Variants in LHFPL3 observed in about 807,000 individuals in gnomAD.
LHFPL3 encodes LHFPL tetraspan subfamily member 3, also known as LHFPL tetraspan subfamily member 3 protein.
LHFPL3 carries 5 observed loss-of-function variants against 19.3 expected under a neutral mutation model. That is an observed-to-expected ratio of 0.26 (90% CI 0.14 to 0.54). LHFPL3 has a LOEUF of 0.54. Among genes scored for constraint, LHFPL3 ranks in the 20% least tolerant of loss-of-function variants. LHFPL3 has a pLI of 0.94. For synonymous variants in LHFPL3, 133 were observed against 126.2 expected, an observed-to-expected ratio of 1.05 and a Z score of -0.36; for missense variants, 249 against 307.4, an observed-to-expected ratio of 0.81 and a Z score of 1.42.
At chr7:104,498,531 C>CTGT (rs1318369652) in intron 1 of LHFPL3, among the ~76,000 whole-genome samples, 1 of 145,842 alleles carries the variant, frequency 6.9e-6, no homozygotes, top group Non-Finnish European at 1.5e-5. Context: ...GGGTCTCACT[C>CTGT]TGTTGCCCAG....
At chr7:104,790,281 T>C (rs1258499953) in intron 2 of LHFPL3, among the ~76,000 whole-genome samples, 2 of 152,196 alleles carry the variant, frequency 1.3e-5, no homozygotes, top group African/African-American at 2.4e-5. Context: ...AATCTCCTTA[T>C]ACCTGCTAAA....
At chr7:104,542,174 G>A (rs934655529) in intron 1 of LHFPL3, among the ~76,000 whole-genome samples, 1 of 152,038 alleles carries the variant, frequency 6.6e-6, no homozygotes, top group Non-Finnish European at 1.5e-5. Context: ...CTGCCAAAAC[G>A]AGGCGTGGCT....
At chr7:104,570,061 C>G (rs139376569) in intron 1 of LHFPL3, among the ~76,000 whole-genome samples, 11 of 152,320 alleles carry the variant, frequency 7.2e-5, no homozygotes, top group African/African-American at 2.6e-4. Flanking sequence ...TACATCTGCT[C>G]TTACATTTTT....
chr7:104,547,953 A>T (rs1003132521), intron 1 of LHFPL3, among the ~76,000 whole-genome samples: 14 of 152,194 alleles, frequency 9.2e-5, no homozygotes, highest in Non-Finnish European at 1.8e-4. Context: ...ATCAAGTACA[A>T]GTTAGATCTC....
intron 1 of LHFPL3, among the ~76,000 whole-genome samples, chr7:104,401,016 A>G (rs1280126298): frequency 2.0e-5 from 3 of 152,312 alleles, no homozygotes; most frequent in Middle Eastern, 3.4e-3. Flanking sequence ...AGAATAGTAT[A>G]ATTTTCTTGT....
At chr7:104,759,367 AT>A (rs368619799) in intron 2 of LHFPL3, among the ~76,000 whole-genome samples, 62 of 151,148 alleles carry the variant, frequency 4.1e-4, no homozygotes, top group Admixed American at 2.1e-3. Flanking sequence ...CACAGTTTAA[AT>A]TTTTTTTTAA....
At chr7:104,482,364 C>G (rs988017315) in intron 1 of LHFPL3, among the ~76,000 whole-genome samples, 4 of 152,150 alleles carry the variant, frequency 2.6e-5, no homozygotes, top group Non-Finnish European at 5.9e-5. Flanking sequence ...TCTAGAAGCC[C>G]TCTTGTGGGG....
chr7:104,561,972 G>C (rs1352793488), intron 1 of LHFPL3, among the ~76,000 whole-genome samples: 2 of 152,012 alleles, frequency 1.3e-5, no homozygotes, highest in Non-Finnish European at 2.9e-5. Context: ...GAAATTCTGG[G>C]TTGAAAATTC....
intron 1 of LHFPL3, among the ~76,000 whole-genome samples, chr7:104,434,104 A>C (rs1450864461): frequency 6.6e-6 from 1 of 152,202 alleles, no homozygotes; most frequent in South Asian, 2.1e-4. Flanking sequence ...ATTTAAAAGC[A>C]TTAGTATTTT....
intron 1 of LHFPL3, among the ~76,000 whole-genome samples, chr7:104,335,950 G>A (rs1789800171): frequency 6.6e-6 from 1 of 152,016 alleles, no homozygotes; most frequent in Non-Finnish European, 1.5e-5. Context: ...GATGAACTAT[G>A]GGGAGGGGAG....
intron 1 of LHFPL3, among the ~76,000 whole-genome samples, chr7:104,540,450 A>T (rs1188088964): frequency 6.6e-6 from 1 of 152,150 alleles, no homozygotes; most frequent in Non-Finnish European, 1.5e-5. Context: ...GCCATCCTAT[A>T]ATGCACAGGA....
At chr7:104,855,555 T>C (rs918939070) in intron 2 of LHFPL3, among the ~76,000 whole-genome samples, 1 of 152,140 alleles carries the variant, frequency 6.6e-6, no homozygotes, top group Non-Finnish European at 1.5e-5. Flanking sequence ...GCTCCTAGCT[T>C]AACAATCCAA....
intron 2 of LHFPL3, among the ~76,000 whole-genome samples, chr7:104,902,090 C>G (rs1303448392): frequency 1.3e-5 from 2 of 152,048 alleles, no homozygotes; most frequent in South Asian, 4.1e-4. Flanking sequence ...AAAGAAGAAA[C>G]CTTTAATGGC....
chr7:104,495,444 C>T (rs568512333), intron 1 of LHFPL3, among the ~76,000 whole-genome samples: 34 of 152,250 alleles, frequency 2.2e-4, no homozygotes, highest in African/African-American at 8.2e-4. Context: ...AGTGCAGTGG[C>T]ACAATCTCAG....
chr7:104,516,776 C>T (rs766175351), intron 1 of LHFPL3, among the ~76,000 whole-genome samples: 4 of 151,906 alleles, frequency 2.6e-5, no homozygotes, highest in Non-Finnish European at 5.9e-5. Flanking sequence ...ACCATTAGAC[C>T]CAATAATCCC....
chr7:104,380,023 CTATGA>C (rs1790797882), intron 1 of LHFPL3, among the ~76,000 whole-genome samples: 1 of 152,074 alleles, frequency 6.6e-6, no homozygotes, highest in Non-Finnish European at 1.5e-5. Flanking sequence ...ATCTGTTTCA[CTATGA>C]TATATCTCAT....
intron 2 of LHFPL3, among the ~76,000 whole-genome samples, chr7:104,846,423 C>T (rs1791313806): frequency 6.6e-6 from 1 of 152,104 alleles, no homozygotes; most frequent in South Asian, 2.1e-4. Context: ...TAGAGGGGCT[C>T]TCATGAGATA....
intron 1 of LHFPL3, among the ~76,000 whole-genome samples, chr7:104,520,555 C>T (rs1376836794): frequency 2.2e-5 from 3 of 137,120 alleles, no homozygotes; most frequent in East Asian, 2.1e-4. Flanking sequence ...TGGTAGAATT[C>T]GGCTGTGAAT....
At chr7:104,865,457 C>G (rs1791703839) in intron 2 of LHFPL3, among the ~76,000 whole-genome samples, 1 of 152,084 alleles carries the variant, frequency 6.6e-6, no homozygotes, top group Admixed American at 6.6e-5. Flanking sequence ...ATTCGATCAA[C>G]TGGAAGAAAG....
Sources: allele counts gnomAD v4.1 joint callset (sites outside exome capture counted in the v4.1 genomes callset), GRCh38; gene constraint gnomAD v4.1.1; transcripts MANE v1.5; gene names NCBI Gene and HGNC (gene_info 2026-07-23, HGNC 2026-07-21).